KCNIP1: variants seen among roughly 807,000 people sequenced by gnomAD.
KCNIP1 encodes the protein potassium voltage-gated channel interacting protein 1.
In KCNIP1, 18 loss-of-function variants were observed where a neutral mutation model predicts 33.0. The ratio of observed to expected loss-of-function variants is 0.55; its 90% CI spans 0.38 to 0.81. The LOEUF is 0.81. Ranked by LOEUF, KCNIP1 falls within the 30% of genes least tolerant of loss-of-function variation. The pLI, the probability that KCNIP1 is intolerant of heterozygous loss-of-function variation, is 0.00. For missense variants in KCNIP1, 238 were observed against 271.6 expected (o/e 0.88, Z 0.87); for synonymous variants, 93 against 98.3 (o/e 0.95, Z 0.32).
chr5:170,485,656 A>G (rs571406583), intron 1 of KCNIP1, among the ~76,000 whole-genome samples: 85 of 152,284 alleles, frequency 5.6e-4, no homozygotes, highest in Non-Finnish European at 9.4e-4. Flanking sequence ...CAAAGGGGCC[A>G]GGGAGAGGGG....
chr5:170,681,472 G>A, intron 1 of KCNIP1: 1 of 233,318 alleles, frequency 4.3e-6, no homozygotes, highest in Admixed American at 5.7e-5. Flanking sequence ...TATGGGTGAG[G>A]CCAGCACAAC....
At chr5:170,716,959 A>T (rs938623743) in intron 1 of KCNIP1, among the ~76,000 whole-genome samples, 3 of 152,198 alleles carry the variant, frequency 2.0e-5, no homozygotes, top group Admixed American at 1.3e-4. Flanking sequence ...TTTGCATTTT[A>T]ATGTGATTTT....
chr5:170,627,996 T>C (rs1036579832), intron 1 of KCNIP1, among the ~76,000 whole-genome samples: 2 of 152,164 alleles, frequency 1.3e-5, no homozygotes, highest in East Asian at 3.8e-4. Context: ...GCTAATCTCA[T>C]AGGTGTCAGG....
chr5:170,667,397 G>A (rs190984076), intron 1 of KCNIP1, among the ~76,000 whole-genome samples: 1 of 152,286 alleles, frequency 6.6e-6, no homozygotes, highest in Non-Finnish European at 1.5e-5. Context: ...AATGATAGAA[G>A]TTCAGGCATA....
intron 1 of KCNIP1, among the ~76,000 whole-genome samples, chr5:170,441,287 T>C (rs1755981249): frequency 6.6e-6 from 1 of 152,066 alleles, no homozygotes; most frequent in Non-Finnish European, 1.5e-5. Context: ...TAGGAAGCAG[T>C]GAGAACTTGG....
chr5:170,604,243 C>A (rs56005199), intron 1 of KCNIP1, among the ~76,000 whole-genome samples: 47,395 of 151,998 alleles, frequency 0.31, 8,412 homozygotes, highest in Non-Finnish European at 0.41. Context: ...AGGATTCTTT[C>A]GGTTGCCAGT....
At chr5:170,711,793 A>C (rs569579340) in intron 1 of KCNIP1, among the ~76,000 whole-genome samples, 2 of 152,380 alleles carry the variant, frequency 1.3e-5, no homozygotes, top group South Asian at 4.1e-4. Context: ...AACTAAATCC[A>C]GCAAAGTAAG....
intron 1 of KCNIP1, among the ~76,000 whole-genome samples, chr5:170,444,114 A>C (rs1157053947): frequency 1.3e-5 from 2 of 152,332 alleles, no homozygotes; most frequent in Non-Finnish European, 2.9e-5. Context: ...ACTGGAACAA[A>C]TGACCAGAAA....
chr5:170,494,668 A>T (rs1441564112), intron 1 of KCNIP1, among the ~76,000 whole-genome samples: 1 of 151,846 alleles, frequency 6.6e-6, no homozygotes, highest in East Asian at 1.9e-4. Flanking sequence ...CTTCACAGCC[A>T]CTCTTCTCTG....
chr5:170,647,339 A>G (rs1270835215), intron 1 of KCNIP1, among the ~76,000 whole-genome samples: 1 of 152,196 alleles, frequency 6.6e-6, no homozygotes, highest in Non-Finnish European at 1.5e-5. Flanking sequence ...AGAAGAAGAA[A>G]AAAGTTGGAG....
intron 1 of KCNIP1, among the ~76,000 whole-genome samples, chr5:170,677,438 T>C (rs1244051854): frequency 2.0e-5 from 3 of 152,204 alleles, no homozygotes; most frequent in Non-Finnish European, 4.4e-5. Context: ...GGTATCAGTA[T>C]TATTCCCAGG....
intron 1 of KCNIP1, among the ~76,000 whole-genome samples, chr5:170,648,768 T>C (rs983367701): frequency 7.9e-5 from 12 of 152,286 alleles, no homozygotes; most frequent in African/African-American, 2.6e-4. Context: ...TGGGTGATAG[T>C]GATGTGTCAT....
At chr5:170,503,961 G>C, upstream of KCNIP1, 32 of 251,968 alleles carry the variant, frequency 1.3e-4, no homozygotes, top group Non-Finnish European at 1.6e-4. Context: ...CCTCGCCCCC[G>C]CCCCGCCCCT....
At chr5:170,360,535 G>A (rs1054070804) in intron 1 of KCNIP1, among the ~76,000 whole-genome samples, 6 of 152,240 alleles carry the variant, frequency 3.9e-5, no homozygotes, top group Admixed American at 3.3e-4. Flanking sequence ...TCTATGATAC[G>A]ACCTTGGATT....
chr5:170,548,445 C>G (rs1384208110), intron 1 of KCNIP1, among the ~76,000 whole-genome samples: 2 of 152,202 alleles, frequency 1.3e-5, no homozygotes, highest in Non-Finnish European at 2.9e-5. Flanking sequence ...TAAAATTTCA[C>G]TTCTCCGGAA....
intron 1 of KCNIP1, chr5:170,385,295 G>A (rs1764420312): frequency 6.2e-7 from 1 of 1,613,846 alleles, no homozygotes; most frequent in Non-Finnish European, 8.5e-7. Flanking sequence ...GGGGTGGGCA[G>A]GCCGGGAGAG....
intron 1 of KCNIP1, among the ~76,000 whole-genome samples, chr5:170,588,602 C>T (rs1447850027): frequency 3.3e-5 from 5 of 152,154 alleles, no homozygotes; most frequent in Non-Finnish European, 7.3e-5. Flanking sequence ...GCCCACCCCT[C>T]GCCTCCCCAA....
chr5:170,562,819 G>A (rs1266932651), intron 1 of KCNIP1, among the ~76,000 whole-genome samples: 4 of 152,218 alleles, frequency 2.6e-5, no homozygotes, highest in Non-Finnish European at 5.9e-5. Context: ...AACACAGCAA[G>A]CAGGACACCT....
At chr5:170,537,471 A>G (rs771093742) in intron 1 of KCNIP1, among the ~76,000 whole-genome samples, 4 of 152,194 alleles carry the variant, frequency 2.6e-5, no homozygotes, top group Non-Finnish European at 5.9e-5. Context: ...TACAGGCAGG[A>G]GTAAATGCCT....
Sources: gnomAD v4.1 joint callset for allele counts (sites outside exome capture counted in the v4.1 genomes callset) on GRCh38, gnomAD v4.1.1 for gene constraint, MANE v1.5 for transcripts, NCBI Gene and HGNC (gene_info 2026-07-23, HGNC 2026-07-21) for gene names.